The following AQP4 variants were observed in gnomAD, a reference collection of about 807,000 sequenced individuals.
The protein encoded by AQP4 is aquaporin 4.
AQP4 carries 18 observed loss-of-function variants against 27.8 expected under a neutral mutation model. The observed-to-expected ratio is 0.65, with a 90% CI of 0.45 to 0.96. The LOEUF is 0.96. Among genes scored for constraint, AQP4 ranks in the 40% least tolerant of loss-of-function variants. The pLI is 0.00. For missense variants in AQP4, 412 were observed against 408.2 expected, an observed-to-expected ratio of 1.01 and a Z score of -0.08; for synonymous variants, 141 against 142.9, an observed-to-expected ratio of 0.99 and a Z score of 0.10.
At chr18:26,864,003 G>A (rs887429369) in intron 1 of AQP4, among the ~76,000 whole-genome samples, 3 of 152,108 alleles carry the variant, frequency 2.0e-5, no homozygotes, top group Non-Finnish European at 4.4e-5. Flanking sequence ...TTGGGGGGGG[G>A]GGGCAATTAC....
At chr18:26,856,944 T>C (rs1253846907) in intron 4 of AQP4, among the ~76,000 whole-genome samples, 2 of 152,196 alleles carry the variant, frequency 1.3e-5, no homozygotes, top group Non-Finnish European at 2.9e-5. Flanking sequence ...GATTCCGTTA[T>C]TCAGGTAAGC....
chr18:26,863,713 G>A (rs2055003261), intron 1 of AQP4, among the ~76,000 whole-genome samples: 2 of 152,200 alleles, frequency 1.3e-5, no homozygotes, highest in South Asian at 2.1e-4. Flanking sequence ...GTGTGGTTAG[G>A]GAAACTGTGG....
At position 26,865,640 on chromosome 18, in the gene AQP4, A is replaced by G. The variant is rs1451863922; in HGVS notation, c.32+18T>C. 1.9e-6 allele frequency: 3 copies of G among 1,614,026 alleles called. No individual in the cohort carries two copies. The highest frequency in any genetic ancestry group is 2.2e-5 in the East Asian group (1 of 44,878). On this transcript the variant is annotated intron_variant, in intron 1 of 4. Coordinates refer to ENST00000383168, the MANE Select transcript of AQP4 (RefSeq NM_001650.7). ...TTTGGCCCTAAGCGTTGTTCCCTTA[A>G]GGCAAAGAAGGACTTACCCCCACCG...
chr18:26,865,332 C>A (rs536176050), intron 1 of AQP4: 50 of 453,678 alleles, frequency 1.1e-4, no homozygotes, highest in Non-Finnish European at 1.9e-4. Flanking sequence ...CACTCAGCTT[C>A]ATCCACTCCA....
In AQP4 at chr18:26,855,478, A is replaced by G. The variant is rs2144946676; in HGVS notation, c.*733T>C. The G allele has an allele frequency of 6.6e-6, 1 of 152,440 alleles. No homozygotes were observed. Among genetic ancestry groups the G allele is most frequent in the East Asian group, 1.9e-4 (1 of 5,190 alleles). 9.4% of individuals were successfully genotyped at this position (152,440 alleles called of 1,614,324 possible). The stretch of plus-strand genomic sequence containing the variant: ...TGATAACTTTGCCTCTGCCTCTACA[A>G]GATTTTACGAGTCTGCTTGTCTTGA... On this transcript the variant is annotated 3_prime_UTR_variant, in exon 5 of 5. Transcript: ENST00000383168.
intron 1 of AQP4, 187 bp downstream of exon 1, chr18:26,865,471 C>T: frequency 1.3e-6 from 1 of 754,062 alleles, no homozygotes; most frequent in South Asian, 1.5e-5. Flanking sequence ...AAAAAGCATC[C>T]CTTTTCTTCT....
Position 26,856,258 on chromosome 18 carries a change from C to T in AQP4, c.925G>A (p.Glu309Lys), listed in dbSNP as rs1046619582. 21 of 1,614,182 alleles carry T rather than the reference C, an allele frequency of 1.3e-5. No individual in the cohort carries two copies. Among genetic ancestry groups the T allele is most frequent in the Non-Finnish European group, 1.7e-5 (20 of 1,180,038 alleles). Residue 309 changes from glutamate (E) to lysine (K), a missense_variant, in exon 5 of 5, where the codon GAG (glutamate) becomes AAG (lysine). Glu to Lys is a moderately conservative substitution (Grantham distance 56, BLOSUM62 1). Transcript: ENST00000383168. ...CCAGATTGGTCTTTCCCCTTCTTCTCCTCTCCCCGGTCAACGTCAATCACA... is the reference window on the plus strand; with the variant it reads ...CCAGATTGGTCTTTCCCCTTCTTCTTCTCTCCCCGGTCAACGTCAATCACA... Reference protein sequence around the residue: ...VHVIDVDRGEEKKGKDQSGEV... With the variant: ...VHVIDVDRGEKKKGKDQSGEV...
rs1158206591 is a variant in AQP4, at chr18:26,862,275, G to A, written c.354C>T (p.Tyr118=). The stretch of plus-strand genomic sequence containing the variant: ...TGGCCCCCAGGCACTGGGCTGCGAT[G>A]TAGAAGACAGACTTGGCGATGCTGA... ...RKISIAKSVF[Y]IAAQCLGAII... The change falls in exon 2 of 5, where the codon TAC becomes TAT. Residue 118 remains tyrosine, a synonymous_variant. Coordinates refer to ENST00000383168, the MANE Select transcript of AQP4 (RefSeq NM_001650.7). The A allele has an allele frequency of 1.2e-6, 2 of 1,614,116 alleles. No individual in the cohort carries two copies. The highest frequency in any genetic ancestry group is 1.3e-5 in the African/African-American group (1 of 74,950).
upstream of AQP4, chr18:26,865,718 T>C (rs373291582): frequency 2.1e-5 from 34 of 1,613,988 alleles, no homozygotes; most frequent in Non-Finnish European, 2.8e-5. Flanking sequence ...GCAGCTCTCA[T>C]TGCCTGCCCC....
intron 2 of AQP4, among the ~76,000 whole-genome samples, chr18:26,861,598 T>C: frequency 6.6e-6 from 1 of 152,196 alleles, no homozygotes; most frequent in South Asian, 2.1e-4. Context: ...CGTAAAAGAA[T>C]TTCTTGAGAG....
At chr18:26,861,040 A>T (rs1440966308) in intron 3 of AQP4, 91 bp downstream of exon 3, 6 of 1,499,858 alleles carry the variant, frequency 4.0e-6, no homozygotes, top group Non-Finnish European at 5.6e-6. Context: ...GATACTAAAG[A>T]GCTACTGCTG....
In AQP4 at chr18:26,860,837, C is replaced by CG. The variant is rs1274032821; in HGVS notation, c.627_628insC (p.Ala210ArgfsTer40). The CG allele has an allele frequency of 6.2e-7, 1 of 1,613,946 alleles. No homozygotes were observed. The highest frequency in any genetic ancestry group is 1.7e-5 in the Admixed American group (1 of 60,004). On this transcript the variant is annotated frameshift_variant, in exon 4 of 5. Coordinates refer to ENST00000383168, the MANE Select transcript of AQP4 (RefSeq NM_001650.7). LOFTEE classifies it high-confidence loss of function. Reference sequence around the variant, plus strand: ...AAGGATCGGGCGGGATTCATGCTGGCACCAGTATAATTGATCTATAGGAAA... The same window carrying CG: ...AAGGATCGGGCGGGATTCATGCTGGCGACCAGTATAATTGATCTATAGGAAA...
Position 26,853,047 on chromosome 18 carries a change from G to C in AQP4, c.*3164C>G. 2 of 396,250 alleles carry C rather than the reference G, an allele frequency of 5.0e-6. No individual in the cohort carries two copies. Among genetic ancestry groups the C allele is most frequent in the Non-Finnish European group, 4.4e-6 (1 of 224,972 alleles). The allele number at this position is 396,250 out of a possible 1,614,324, so 24.5% of individuals were successfully genotyped here. ...TGTGTTGTCTGGTTTCATGGTCTGAGAACAGTATTCTGTGCTCTTTGGAAT... is the reference window on the plus strand; with the variant it reads ...TGTGTTGTCTGGTTTCATGGTCTGACAACAGTATTCTGTGCTCTTTGGAAT... On this transcript the variant is annotated 3_prime_UTR_variant, in exon 5 of 5. Transcript: ENST00000383168.
Position 26,854,988 on chromosome 18 carries a change from G to A in AQP4, c.*1223C>T, listed in dbSNP as rs886861108. On this transcript the variant is annotated 3_prime_UTR_variant, in exon 5 of 5. Transcript: ENST00000383168. ...TATATCCAGAAATGAAAGATTGTTC[G>A]TCTAGTAAGCTTTGAATACAGAGTG... The A allele has an allele frequency of 4.6e-5, 7 of 152,148 alleles. No homozygotes were observed. The highest frequency in any genetic ancestry group is 1.2e-4 in the African/African-American group (5 of 41,440). 9.4% of individuals were successfully genotyped at this position (152,148 alleles called of 1,614,324 possible). A position where few individuals can be genotyped will look rare whatever the true frequency, so the allele number is the denominator to read the frequency against.
In AQP4 at chr18:26,860,850, G is replaced by C. The variant is rs1225203582; in HGVS notation, c.615C>G (p.Ile205Met). The C allele has an allele frequency of 6.2e-7, 1 of 1,613,694 alleles. No individual in the cohort carries two copies. The highest frequency in any genetic ancestry group is 1.3e-5 in the African/African-American group (1 of 74,896). The change falls in exon 4 of 5, where the codon ATC becomes ATG. Residue 205 changes from isoleucine to methionine, a missense_variant and splice_region_variant. Coordinates refer to ENST00000383168, the MANE Select transcript of AQP4 (RefSeq NM_001650.7). ...GATTCATGCTGGCACCAGTATAATT[G>C]ATCTATAGGAAACAAGAAAACAACT... is the stretch of plus-strand genomic sequence containing the variant. ...FSVAIGHLFA[I>M]NYTGASMNPA...
chr18:26,853,016 A>G lies in AQP4; in HGVS notation c.*3195T>C, dbSNP rs2054777778. 9 of 397,314 alleles carry G rather than the reference A, an allele frequency of 2.3e-5. No individual in the cohort carries two copies. Among genetic ancestry groups the G allele is most frequent in the Middle Eastern group, 6.3e-4 (1 of 1,588 alleles). 24.6% of individuals were successfully genotyped at this position (397,314 alleles called of 1,614,324 possible). On this transcript the variant is annotated 3_prime_UTR_variant, in exon 5 of 5. Transcript: ENST00000383168. ...TTCCTGTCATTATCGAGTTTAAACC[A>G]ATACATGTGTTGTCTGGTTTCATGG...
At chr18:26,865,780 T>C, upstream of AQP4, 1 of 1,501,162 alleles carries the variant, frequency 6.7e-7, no homozygotes, top group Admixed American at 1.7e-5. Flanking sequence ...CTGATTGGGT[T>C]TTTGGAGTGT....
chr18:26,853,054 AT>A lies in AQP4; in HGVS notation c.*3156del. On this transcript the variant is annotated 3_prime_UTR_variant, in exon 5 of 5. Coordinates refer to ENST00000383168, the MANE Select transcript of AQP4 (RefSeq NM_001650.7). Reference sequence around the variant, plus strand: ...TCTGGTTTCATGGTCTGAGAACAGTATTCTGTGCTCTTTGGAATCAGATCTC... The same window carrying A: ...TCTGGTTTCATGGTCTGAGAACAGTATCTGTGCTCTTTGGAATCAGATCTC... 3 of 396,160 alleles carry A rather than the reference AT, an allele frequency of 7.6e-6. No homozygotes were observed. Among genetic ancestry groups the A allele is most frequent in the Non-Finnish European group, 1.3e-5 (3 of 224,892 alleles). 24.5% of individuals were successfully genotyped at this position (396,160 alleles called of 1,614,324 possible).
chr18:26,860,064 A>G (rs2054912953), intron 4 of AQP4, among the ~76,000 whole-genome samples: 1 of 152,228 alleles, frequency 6.6e-6, no homozygotes, highest in Non-Finnish European at 1.5e-5. Context: ...AAAATTAATT[A>G]TAATATTTTA....
Sources: allele counts gnomAD v4.1 joint callset (sites outside exome capture counted in the v4.1 genomes callset), GRCh38; gene constraint gnomAD v4.1.1; transcripts MANE v1.5; gene names NCBI Gene and HGNC (gene_info 2026-07-23, HGNC 2026-07-21).